Variants in CCDC60 observed in about 807,000 individuals in gnomAD.
CCDC60 encodes the protein coiled-coil domain-containing protein 60.
Under a neutral mutation model 63.5 loss-of-function variants are expected in CCDC60, and 54 were observed. That is an observed-to-expected ratio of 0.85 (90% CI 0.68 to 1.07). The LOEUF is 1.07. Among genes scored for constraint, CCDC60 ranks in the 50% least tolerant of loss-of-function variants. The pLI, the probability that CCDC60 is intolerant of heterozygous loss-of-function variation, is 0.00. For synonymous variants in CCDC60, 206 were observed against 238.8 expected, an observed-to-expected ratio of 0.86 and a Z score of 1.27; for missense variants, 651 against 684.3, an observed-to-expected ratio of 0.95 and a Z score of 0.54.
At position 119,433,092 on chromosome 12, in the gene CCDC60, C is replaced by T. The variant is rs1593079821; in HGVS notation, c.170+4330C>T. On this transcript the variant is annotated intron_variant, in intron 2 of 13. Transcript: ENST00000327554. ...AAGCAACTGGTGGGAATATCTGCAC[C>T]ACGGTGACAATATTTGCACCGTGGA... is the stretch of plus-strand genomic sequence containing the variant. 2.6e-5 allele frequency among the ~76,000 whole-genome samples: 4 copies of T among 152,124 alleles called. No individual in the cohort carries two copies. The East Asian group carries it at 7.7e-4, about 29-fold the overall frequency.
At chr12:119,465,043 G>A (rs1950925864) in intron 2 of CCDC60, among the ~76,000 whole-genome samples, 1 of 152,216 alleles carries the variant, frequency 6.6e-6, no homozygotes, top group South Asian at 2.1e-4. Flanking sequence ...CAGGCGCGGT[G>A]GCTCATGCCT....
chr12:119,404,015 C>T (rs1956440708), intron 1 of CCDC60, among the ~76,000 whole-genome samples: 1 of 152,194 alleles, frequency 6.6e-6, no homozygotes, highest in Non-Finnish European at 1.5e-5. Flanking sequence ...AGGCCGGGCA[C>T]AGTGGCTCAT....
intron 2 of CCDC60, among the ~76,000 whole-genome samples, chr12:119,430,573 A>G (rs1477709268): frequency 6.6e-6 from 1 of 150,550 alleles, no homozygotes; most frequent in Admixed American, 6.7e-5. Flanking sequence ...AGGCTGAGGC[A>G]GGAGAATAGT....
At chr12:119,506,438 CAAAAAAAAAA>C (rs35584778) in intron 7 of CCDC60, among the ~76,000 whole-genome samples, 6 of 87,400 alleles carry the variant, frequency 6.9e-5, no homozygotes, top group African/African-American at 2.1e-4. Flanking sequence ...CCTCATCTCT[CAAAAAAAAAA>C]AAAAAAAAAA....
chr12:119,488,062 C>T (rs140160984), intron 4 of CCDC60, among the ~76,000 whole-genome samples: 3 of 152,106 alleles, frequency 2.0e-5, no homozygotes, highest in East Asian at 1.9e-4. Flanking sequence ...GCAACCCACC[C>T]GCCTCAGCCT....
chr12:119,474,971 T>C (rs546787146), intron 3 of CCDC60, among the ~76,000 whole-genome samples: 35 of 152,300 alleles, frequency 2.3e-4, no homozygotes, highest in African/African-American at 8.4e-4. Flanking sequence ...AGGTGATGGA[T>C]GAGAACCCAG....
chr12:119,398,105 T>TGG (rs1956312640), intron 1 of CCDC60, among the ~76,000 whole-genome samples: 1 of 14,206 alleles, frequency 7.0e-5, no homozygotes, highest in African/African-American at 3.2e-4. Context: ...GGGGGCGGTG[T>TGG]GGGGGGAGGA....
intron 1 of CCDC60, among the ~76,000 whole-genome samples, chr12:119,417,271 T>C (rs1435578139): frequency 6.6e-6 from 1 of 152,072 alleles, no homozygotes; most frequent in African/African-American, 2.4e-5. Flanking sequence ...AGATGCTACA[T>C]TGTATGATGT....
intron 2 of CCDC60, among the ~76,000 whole-genome samples, chr12:119,460,532 C>CTGTGTA (rs1950836642): frequency 6.6e-6 from 1 of 152,130 alleles, no homozygotes; most frequent in Admixed American, 6.5e-5. Flanking sequence ...ACAAGCTGCC[C>CTGTGTA]CCAAACTCAA....
intron 1 of CCDC60, among the ~76,000 whole-genome samples, chr12:119,353,349 A>G (rs1022445447): frequency 2.0e-5 from 3 of 152,172 alleles, no homozygotes; most frequent in Admixed American, 6.5e-5. Flanking sequence ...TAGCCAACAC[A>G]GATCCAAAGG....
Position 119,391,893 on chromosome 12 carries a change from G to C in CCDC60, c.91-36790G>C, listed in dbSNP as rs551025095. On this transcript the variant is annotated intron_variant, in intron 1 of 13. Transcript: ENST00000327554. ...GGGTCCCGCAGCATACCAGTGAGTTGTGTGGCACGTCTGAGTGCTCGAGAC... is the reference window on the plus strand; with the variant it reads ...GGGTCCCGCAGCATACCAGTGAGTTCTGTGGCACGTCTGAGTGCTCGAGAC... 2.7e-5 allele frequency among the ~76,000 whole-genome samples: 4 copies of C among 149,796 alleles called. No individual in the cohort carries two copies. The East Asian group carries it at 7.7e-4, about 29-fold the overall frequency.
At chr12:119,422,552 G>A (rs1264798987) in intron 1 of CCDC60, among the ~76,000 whole-genome samples, 1 of 152,152 alleles carries the variant, frequency 6.6e-6, no homozygotes, top group African/African-American at 2.4e-5. Flanking sequence ...GAGGGAGATG[G>A]GGGAGGTGCC....
At chr12:119,362,262 TG>T (rs1165808382) in intron 1 of CCDC60, among the ~76,000 whole-genome samples, 5 of 152,170 alleles carry the variant, frequency 3.3e-5, no homozygotes, top group Non-Finnish European at 1.5e-5. Flanking sequence ...GTAAATTACA[TG>T]CCATAAAATG....
At position 119,387,034 on chromosome 12, in the gene CCDC60, T is replaced by TCACACACACACACA. The variant is rs1555233707; in HGVS notation, c.91-41621_91-41608dup. ...CTCCCTCCCTCCCCCTCTGTCTCTC[T>TCACACACACACACA]CACACACACACACACACACACACAC... On this transcript the variant is annotated intron_variant, in intron 1 of 13. Coordinates refer to ENST00000327554, the MANE Select transcript of CCDC60 (RefSeq NM_178499.5). Among the ~76,000 whole-genome samples the TCACACACACACACA allele has an allele frequency of 5.7e-5, 6 of 105,452 alleles. 1 individual carries two copies. Among genetic ancestry groups the TCACACACACACACA allele is most frequent in the East Asian group, 7.8e-4 (2 of 2,578 alleles). 69.2% of individuals were successfully genotyped at this position (105,452 alleles called of 152,430 possible).
chr12:119,500,161 C>A lies in CCDC60; in HGVS notation c.641C>A (p.Ala214Glu), dbSNP rs141099915. The A allele has an allele frequency of 5.2e-4, 832 of 1,607,544 alleles. No homozygotes were observed. The highest frequency in any genetic ancestry group is 1.8e-3 in the Admixed American group (107 of 59,360). Residue 214 changes from alanine (A) to glutamate (E), a missense_variant, in exon 6 of 14, where the codon GCG becomes GAG. Ala to Glu is a moderately radical substitution (Grantham distance 107). Transcript: ENST00000327554. ...MGQKWEHFIT[A>E]PKTKKFKIPT... is the part of the protein sequence containing the mutation. ...CAGAAATGGGAGCATTTCATCACAG[C>A]GCCAAAGGTAACCAACAACACGCGA...
chr12:119,459,297 G>A (rs1162069701), intron 2 of CCDC60, among the ~76,000 whole-genome samples: 3 of 152,182 alleles, frequency 2.0e-5, no homozygotes, highest in African/African-American at 7.2e-5. Flanking sequence ...GGTCTGGGGT[G>A]GGGCCCAAGA....
intron 8 of CCDC60, among the ~76,000 whole-genome samples, chr12:119,519,451 G>A (rs12817820): frequency 9.0e-4 from 114 of 125,970 alleles, no homozygotes; most frequent in African/African-American, 2.0e-3. Flanking sequence ...GTGTGTGTGT[G>A]TATATATATA....
intron 1 of CCDC60, among the ~76,000 whole-genome samples, chr12:119,402,680 G>A (rs375146921): frequency 8.9e-4 from 136 of 152,302 alleles, no homozygotes; most frequent in Middle Eastern, 3.4e-3. Context: ...GTAAATGGCA[G>A]CTGTTTTTAG....
intron 1 of CCDC60, among the ~76,000 whole-genome samples, chr12:119,378,955 G>A (rs995642121): frequency 6.6e-6 from 1 of 152,092 alleles, no homozygotes; most frequent in African/African-American, 2.4e-5. Flanking sequence ...CTCAGCCCAG[G>A]GCCAACACAT....
Sources: allele counts gnomAD v4.1 joint callset (sites outside exome capture counted in the v4.1 genomes callset), GRCh38; gene constraint gnomAD v4.1.1; transcripts MANE v1.5; gene names NCBI Gene and HGNC (gene_info 2026-07-23, HGNC 2026-07-21).